IFI44L: variants seen among roughly 807,000 people sequenced by gnomAD.
IFI44L encodes interferon-induced protein 44-like.
In IFI44L, 40 loss-of-function variants were observed where a neutral mutation model predicts 39.3. The observed-to-expected ratio is 1.02, with a 90% confidence interval of 0.79 to 1.33. The LOEUF (loss-of-function observed/expected upper bound fraction) is 1.33, where lower values mean the gene tolerates loss of function less well. Ranked by LOEUF, IFI44L falls within the 40% of genes most tolerant of loss-of-function variation. IFI44L has a pLI of 0.00. For synonymous variants in IFI44L, 198 were observed against 182.3 expected (o/e 1.09, Z -0.69); for missense variants, 623 against 549.0 (o/e 1.13, Z -1.35).
chr1:78,632,832 A>G (rs532790341), intron 4 of IFI44L, among the ~76,000 whole-genome samples: 1 of 152,318 alleles, frequency 6.6e-6, no homozygotes, highest in Non-Finnish European at 1.5e-5. Context: ...TTACTAATAA[A>G]CCAATGATTT....
At position 78,628,868 on chromosome 1, in the gene IFI44L, C is replaced by A. The variant is rs939998238; in HGVS notation, c.479-83C>A. ...AGCCCTGGGTTATGCAAGAAAACTC[C>A]ATGTCTTATTTCAAAAGTAGACTTG... On this transcript the variant is annotated intron_variant, in intron 2 of 8. Coordinates refer to ENST00000370751, the MANE Select transcript of IFI44L (RefSeq NM_006820.4). 1.9e-5 allele frequency: 18 copies of A among 926,376 alleles called. No homozygotes were observed. The African/African-American group carries it at 2.3e-4, about 12-fold the overall frequency. 57.4% of individuals were successfully genotyped at this position (926,376 alleles called of 1,614,324 possible). A position where few individuals can be genotyped will look rare whatever the true frequency, so the allele number is the denominator to read the frequency against.
Position 78,643,691 on chromosome 1 carries a change from T to A in IFI44L, c.*1882T>A, listed in dbSNP as rs1245898616. ...TTGTTTTTTTGCTGAGTCAATTCCTTGGAGGGGGTCTTCAGACTGACTGGT... is the reference window on the plus strand; with the variant it reads ...TTGTTTTTTTGCTGAGTCAATTCCTAGGAGGGGGTCTTCAGACTGACTGGT... On this transcript the variant is annotated 3_prime_UTR_variant, in exon 9 of 9. Transcript: ENST00000370751. 3 of 150,528 alleles carry A rather than the reference T, an allele frequency of 2.0e-5. No homozygotes were observed. The highest frequency in any genetic ancestry group is 2.0e-4 in the Admixed American group (3 of 15,104). 9.3% of individuals were successfully genotyped at this position (150,528 alleles called of 1,614,324 possible).
In IFI44L at chr1:78,628,225, G is replaced by T. The variant is rs34932081; in HGVS notation, c.310G>T (p.Ala104Ser). Residue 104 changes from alanine (A) to serine (S), a missense_variant, in exon 2 of 9, where the codon GCA (alanine) becomes TCA (serine). Transcript: ENST00000370751. ...TEIETLLLNT[A>S]PKIIDEQLVC... ...AATAGAAACTTTACTCTTAAATACAGCACCAAAAATTATTGATGAGCAACT... is the reference window on the plus strand; with the variant it reads ...AATAGAAACTTTACTCTTAAATACATCACCAAAAATTATTGATGAGCAACT... The T allele has an allele frequency of 6.2e-7, 1 of 1,612,152 alleles. No homozygotes were observed. Among genetic ancestry groups the T allele is most frequent in the Non-Finnish European group, 8.5e-7 (1 of 1,179,126 alleles).
At chr1:78,628,817 A>G (rs988407792) in intron 2 of IFI44L, 134 bp from the exon 3 acceptor site, 3 of 624,800 alleles carry the variant, frequency 4.8e-6, no homozygotes, top group Admixed American at 6.0e-5. Flanking sequence ...TCATGTTGCC[A>G]ACTCTGACTC....
chr1:78,641,584 A>T lies in IFI44L; in HGVS notation c.1299A>T (p.Leu433Phe), dbSNP rs1557691463. The T allele has an allele frequency of 1.9e-6, 3 of 1,613,532 alleles. No homozygotes were observed. The African/African-American group carries it at 4.0e-5, about 22-fold the overall frequency. ...TGCTGCGGGCTGCAGATGATTTTTT[A>T]GAAGATTTGCCTCTTGAGGAAACTG... ...RQMLRAADDF[L>F]EDLPLEETGA... Residue 433 changes from leucine (L) to phenylalanine (F), a missense_variant, in exon 8 of 9, where the codon TTA becomes TTT. Coordinates refer to ENST00000370751, the MANE Select transcript of IFI44L (RefSeq NM_006820.4).
intron 5 of IFI44L, among the ~76,000 whole-genome samples, chr1:78,636,388 A>AT (rs956553935): frequency 4.6e-5 from 7 of 151,978 alleles, no homozygotes; most frequent in African/African-American, 1.7e-4. Context: ...CAACACCCTA[A>AT]TTTTTCACAG....
intron 6 of IFI44L, among the ~76,000 whole-genome samples, chr1:78,639,009 G>A (rs990397082): frequency 6.6e-6 from 1 of 152,192 alleles, no homozygotes; most frequent in Non-Finnish European, 1.5e-5. Flanking sequence ...GGCCTTGTTT[G>A]ACACCCTTGG....
chr1:78,625,834 C>A (rs1044351185), intron 1 of IFI44L: 7 of 151,744 alleles, frequency 4.6e-5, no homozygotes, highest in Non-Finnish European at 1.0e-4. Context: ...TAACAAGTAT[C>A]TTTTGTCATT....
Position 78,643,160 on chromosome 1 carries a change from T to TTTTTTTTTTTTTTTTTTTTTTTGAGACGG in IFI44L, c.*1351_*1352insTTTTTTTTTTTTTTTTTTTTTTGAGACGG, listed in dbSNP as rs1367397714. 48 of 151,824 alleles carry TTTTTTTTTTTTTTTTTTTTTTTGAGACGG rather than the reference T, an allele frequency of 3.2e-4. No individual in the cohort carries two copies. The highest frequency in any genetic ancestry group is 5.7e-4 in the Non-Finnish European group (39 of 67,942). 9.4% of individuals were successfully genotyped at this position (151,824 alleles called of 1,614,324 possible). On this transcript the variant is annotated 3_prime_UTR_variant, in exon 9 of 9. Transcript: ENST00000370751. ...AGATATTAAGAAAGCAAGAGTTTCT[T>TTTTTTTTTTTTTTTTTTTTTTTGAGACGG]ATGTCCAGTTATGGAATATTTCCTA...
chr1:78,623,396 G>GTTTTTTTTTT (rs71078508), intron 1 of IFI44L, among the ~76,000 whole-genome samples: 27 of 121,292 alleles, frequency 2.2e-4, no homozygotes, highest in African/African-American at 3.1e-4. Flanking sequence ...AGTGTTTTTT[G>GTTTTTTTTTT]TTTTTTTTTT....
At position 78,628,164 on chromosome 1, in the gene IFI44L, A is replaced by G. The variant is rs754987915; in HGVS notation, c.249A>G (p.Leu83=). The G allele has an allele frequency of 2.8e-5, 45 of 1,612,356 alleles. No homozygotes were observed. The highest frequency in any genetic ancestry group is 2.5e-4 in the Admixed American group (15 of 59,828). ...GTTCTACAGAGCCAAATGATTCCCT[A>G]TGGTTTTCACTTCAAAAGAAAAATG... ...HESSTEPNDS[L]WFSLQKKNDT... is the part of the protein sequence containing the mutation. The change falls in exon 2 of 9, where the codon CTA becomes CTG. Residue 83 remains leucine, a synonymous_variant. Transcript: ENST00000370751.
rs1202264357 is a variant in IFI44L at position 78,643,972 on chromosome 1, T to C, written c.*2163T>C. ...GTGTTTTTATTCAAAGTCTACATTTTATGTAGTGGTTAATGTTTGCTGTTC... is the reference window on the plus strand; with the variant it reads ...GTGTTTTTATTCAAAGTCTACATTTCATGTAGTGGTTAATGTTTGCTGTTC... On this transcript the variant is annotated 3_prime_UTR_variant, in exon 9 of 9. Transcript: ENST00000370751. 1 of 152,166 alleles carries C rather than the reference T, an allele frequency of 6.6e-6. No homozygotes were observed. The highest frequency in any genetic ancestry group is 1.5e-5 in the Non-Finnish European group (1 of 68,032). 9.4% of individuals were successfully genotyped at this position (152,166 alleles called of 1,614,324 possible).
At chr1:78,624,942 G>T (rs374442971) in intron 1 of IFI44L, among the ~76,000 whole-genome samples, 2 of 152,198 alleles carry the variant, frequency 1.3e-5, no homozygotes, top group African/African-American at 2.4e-5. Context: ...ATTTGCAAAG[G>T]TACCCTTATT....
intron 6 of IFI44L, among the ~76,000 whole-genome samples, chr1:78,638,898 G>A (rs974612483): frequency 2.0e-5 from 3 of 151,964 alleles, no homozygotes; most frequent in African/African-American, 7.3e-5. Context: ...TTGCATCTTC[G>A]ATATTTTAGG....
At position 78,641,935 on chromosome 1, in the gene IFI44L, G is replaced by A; in HGVS notation, c.*126G>A. 2 of 1,086,818 alleles carry A rather than the reference G, an allele frequency of 1.8e-6. No individual in the cohort carries two copies. Among genetic ancestry groups the A allele is most frequent in the Admixed American group, 3.4e-5 (2 of 58,340 alleles). The allele number at this position is 1,086,818 out of a possible 1,614,324, so 67.3% of individuals were successfully genotyped here. A position where few individuals can be genotyped will look rare whatever the true frequency, so the allele number is the denominator to read the frequency against. ...CGTTTTGCCTTCTGTCCTTGGAACA[G>A]TCATATCTCAAGTTCAAAGGCCAAA... On this transcript the variant is annotated 3_prime_UTR_variant, in exon 9 of 9. Coordinates refer to ENST00000370751, the MANE Select transcript of IFI44L (RefSeq NM_006820.4).
intron 4 of IFI44L, among the ~76,000 whole-genome samples, chr1:78,631,126 C>G (rs1652734602): frequency 6.6e-6 from 1 of 152,112 alleles, no homozygotes; most frequent in African/African-American, 2.4e-5. Context: ...TACTGAACTC[C>G]AATGAAATGC....
Position 78,629,896 on chromosome 1 carries a change from T to A in IFI44L, c.704T>A (p.Ile235Asn), listed in dbSNP as rs987495. 4 of 1,612,210 alleles carry A rather than the reference T, an allele frequency of 2.5e-6. No individual in the cohort carries two copies. In the African/African-American group the frequency reaches 5.3e-5, roughly 22 times the overall value. ...GGCCAAGCCGTAGTGGGGTCTGATA[T>A]CACCAGCATAACCGAGCGGGTAAGT... ...VTGQAVVGSD[I>N]TSITERYRIY... Residue 235 changes from isoleucine (I) to asparagine (N), a missense_variant, in exon 4 of 9, where the codon ATC (isoleucine) becomes AAC (asparagine). Ile to Asn is a moderately radical substitution (Grantham distance 149, BLOSUM62 -3). Transcript: ENST00000370751.
At chr1:78,637,739 T>G (rs1002012094) in intron 6 of IFI44L, among the ~76,000 whole-genome samples, 6 of 152,166 alleles carry the variant, frequency 3.9e-5, no homozygotes, top group Non-Finnish European at 8.8e-5. Flanking sequence ...TGAGACTGGC[T>G]TTTTTGACTC....
At chr1:78,626,678 ATT>A (rs1486067542) in intron 1 of IFI44L, 2 of 151,800 alleles carry the variant, frequency 1.3e-5, no homozygotes, top group East Asian at 3.9e-4. Context: ...CTTTTCTTAA[ATT>A]TTTTTTAAAA....
Sources: gnomAD v4.1 joint callset for allele counts (sites outside exome capture counted in the v4.1 genomes callset) on GRCh38, gnomAD v4.1.1 for gene constraint, MANE v1.5 for transcripts, NCBI Gene and HGNC (gene_info 2026-07-23, HGNC 2026-07-21) for gene names.